Variants in KCNIP3 observed in about 807,000 individuals in gnomAD.
The protein encoded by KCNIP3 is potassium voltage-gated channel interacting protein 3, also known as calsenilin.
In KCNIP3, 28 loss-of-function variants were observed where a neutral mutation model predicts 35.0. That is an observed-to-expected ratio of 0.80 (90% CI 0.59 to 1.10). The LOEUF (loss-of-function observed/expected upper bound fraction) is 1.10. Ranked by LOEUF, KCNIP3 falls within the 50% of genes least tolerant of loss-of-function variation. The probability of loss-of-function intolerance (pLI) is 0.00; values close to 1 mark genes in which losing one functional copy is unlikely to be tolerated. For missense variants in KCNIP3, 295 were observed against 338.4 expected (o/e 0.87, Z 1.01); for synonymous variants, 134 against 133.8 (o/e 1.00, Z -0.01).
At chr2:95,351,813 C>T in intron 2 of KCNIP3, among the ~76,000 whole-genome samples, 1 of 151,990 alleles carries the variant, frequency 6.6e-6, no homozygotes, top group Non-Finnish European at 1.5e-5. Context: ...GACCCTGTCT[C>T]TACAAAACAA....
chr2:95,350,648 G>A (rs1679491702), intron 2 of KCNIP3, among the ~76,000 whole-genome samples: 1 of 152,204 alleles, frequency 6.6e-6, no homozygotes, highest in African/African-American at 2.4e-5. Flanking sequence ...GAGGTGGGGT[G>A]TGCTCGGTGT....
At chr2:95,358,587 A>C (rs541923492) in intron 2 of KCNIP3, among the ~76,000 whole-genome samples, 1 of 152,328 alleles carries the variant, frequency 6.6e-6, no homozygotes, top group South Asian at 2.1e-4. Flanking sequence ...AGAATGGGTA[A>C]TTCTATTGTA....
intron 2 of KCNIP3, among the ~76,000 whole-genome samples, chr2:95,335,838 G>A (rs1679047573): frequency 6.6e-6 from 1 of 150,930 alleles, no homozygotes; most frequent in South Asian, 2.1e-4. Flanking sequence ...TTTTTACTTC[G>A]ACCCACATAT....
At chr2:95,348,501 G>T (rs1461490057) in intron 2 of KCNIP3, among the ~76,000 whole-genome samples, 1 of 152,190 alleles carries the variant, frequency 6.6e-6, no homozygotes. Context: ...TCTCTCCATT[G>T]CTCTTCCCTG....
At chr2:95,319,970 C>T (rs1279622926) in intron 2 of KCNIP3, among the ~76,000 whole-genome samples, 6 of 152,236 alleles carry the variant, frequency 3.9e-5, no homozygotes, top group South Asian at 2.1e-4. Flanking sequence ...TGCCTCTGCC[C>T]GGGGCCCCAG....
chr2:95,379,752 G>A (rs1177647984), intron 5 of KCNIP3, among the ~76,000 whole-genome samples: 2 of 152,202 alleles, frequency 1.3e-5, no homozygotes, highest in African/African-American at 4.8e-5. Flanking sequence ...TGCCTCAGGC[G>A]CTGCTGCAGA....
Position 95,372,234 on chromosome 2 carries a change from C to T in KCNIP3, c.182-2062C>T, listed in dbSNP as rs565428867. Among the ~76,000 whole-genome samples, 39 of 152,220 alleles carry T rather than the reference C, an allele frequency of 2.6e-4. No individual in the cohort carries two copies. The South Asian group carries it at 5.6e-3, about 22-fold the overall frequency. ...ATCCATCCATCCATCCATCCATCCA[C>T]GCTGCTGTGTGTACATCTGCTCCAC... On this transcript the variant is annotated intron_variant, in intron 2 of 8. Transcript: ENST00000295225.
chr2:95,301,873 T>C (rs772390740), intron 1 of KCNIP3, among the ~76,000 whole-genome samples: 3 of 152,096 alleles, frequency 2.0e-5, no homozygotes, highest in Middle Eastern at 3.4e-3. Flanking sequence ...TGTGTGTGTG[T>C]GTGCGCGCTC....
intron 1 of KCNIP3, among the ~76,000 whole-genome samples, chr2:95,301,852 C>CTG (rs141927142): frequency 0.014 from 2,033 of 149,168 alleles, 28 homozygotes; most frequent in South Asian, 0.033. Flanking sequence ...GGGCCCAGGG[C>CTG]TGTGTGTGTG....
At chr2:95,364,950 G>A (rs1020906843) in intron 2 of KCNIP3, among the ~76,000 whole-genome samples, 8 of 152,068 alleles carry the variant, frequency 5.3e-5, no homozygotes, top group Non-Finnish European at 1.0e-4. Flanking sequence ...GCTGGTTATA[G>A]TGGTGTGTGC....
chr2:95,305,855 T>C (rs927374441), intron 1 of KCNIP3, among the ~76,000 whole-genome samples: 1 of 152,196 alleles, frequency 6.6e-6, no homozygotes, highest in African/African-American at 2.4e-5. Context: ...CAGAATTCCG[T>C]GGTATGGATG....
intron 2 of KCNIP3, among the ~76,000 whole-genome samples, chr2:95,355,653 TGTCC>T (rs1679639660): frequency 1.3e-5 from 2 of 152,246 alleles, no homozygotes; most frequent in Non-Finnish European, 2.9e-5. Flanking sequence ...GCTTCATCCA[TGTCC>T]CTGCAAAGGA....
At chr2:95,302,851 C>T (rs1487155710) in intron 1 of KCNIP3, among the ~76,000 whole-genome samples, 1 of 152,212 alleles carries the variant, frequency 6.6e-6, no homozygotes, top group East Asian at 1.9e-4. Flanking sequence ...TGAGCCCACA[C>T]CCAGGGGCCC....
At chr2:95,374,087 T>A (rs1043926660) in intron 2 of KCNIP3, among the ~76,000 whole-genome samples, 8 of 152,162 alleles carry the variant, frequency 5.3e-5, no homozygotes, top group Admixed American at 5.2e-4. Flanking sequence ...GCCCGCCCTG[T>A]GGGGGGCAGG....
intron 2 of KCNIP3, among the ~76,000 whole-genome samples, chr2:95,321,556 C>G (rs1418041767): frequency 6.6e-6 from 1 of 152,190 alleles, no homozygotes; most frequent in Non-Finnish European, 1.5e-5. Context: ...TTCTGACGCA[C>G]TAAAAATGCC....
At chr2:95,305,114 A>G (rs1678136969) in intron 1 of KCNIP3, among the ~76,000 whole-genome samples, 1 of 151,992 alleles carries the variant, frequency 6.6e-6, no homozygotes, top group Non-Finnish European at 1.5e-5. Flanking sequence ...CTGCCACTCA[A>G]CCCTGGCCAT....
chr2:95,319,174 T>G (rs1678529802), intron 2 of KCNIP3, among the ~76,000 whole-genome samples: 1 of 152,170 alleles, frequency 6.6e-6, no homozygotes, highest in South Asian at 2.1e-4. Flanking sequence ...AACAGGGGCT[T>G]GGAGAGCGGT....
intron 1 of KCNIP3, among the ~76,000 whole-genome samples, chr2:95,300,156 C>T (rs1293481041): frequency 2.0e-5 from 3 of 152,184 alleles, no homozygotes; most frequent in South Asian, 2.1e-4. Flanking sequence ...CCCAGCCGTG[C>T]GGCCGGTGGT....
At chr2:95,379,421 G>GC (rs966620006) in intron 5 of KCNIP3, among the ~76,000 whole-genome samples, 14 of 151,722 alleles carry the variant, frequency 9.2e-5, no homozygotes, top group Middle Eastern at 3.2e-3. Flanking sequence ...GCCAGAGGAG[G>GC]CCCCCCCACC....
Sources: allele counts gnomAD v4.1 joint callset (sites outside exome capture counted in the v4.1 genomes callset), GRCh38; gene constraint gnomAD v4.1.1; transcripts MANE v1.5; gene names NCBI Gene and HGNC (gene_info 2026-07-23, HGNC 2026-07-21).